Variants in PCDHGA4 observed in about 807,000 individuals in gnomAD.
PCDHGA4 encodes protocadherin gamma-A4.
Under a neutral mutation model 54.6 loss-of-function variants are expected in PCDHGA4, and 38 were observed. That is an observed-to-expected ratio of 0.70 (90% CI 0.54 to 0.91). The LOEUF (loss-of-function observed/expected upper bound fraction) is 0.91. Ranked by LOEUF, PCDHGA4 falls within the 40% of genes least tolerant of loss-of-function variation. PCDHGA4 has a pLI of 0.00. For missense variants in PCDHGA4, 1,298 were observed against 1,220.9 expected, an observed-to-expected ratio of 1.06 and a Z score of -0.94; for synonymous variants, 511 against 512.9, an observed-to-expected ratio of 1.00 and a Z score of 0.05.
chr5:141,419,454 T>A (rs1191326733), intron 1 of PCDHGA4: 1 of 1,612,786 alleles, frequency 6.2e-7, no homozygotes, highest in Non-Finnish European at 8.5e-7. Flanking sequence ...GAGCTCACGC[T>A]GCAGGCCCGC....
chr5:141,387,740 C>T lies in PCDHGA4; in HGVS notation c.2514+30119C>T, dbSNP rs952205441. The T allele has an allele frequency of 3.8e-6, 5 of 1,328,736 alleles. No individual in the cohort carries two copies. In the African/African-American group the frequency reaches 5.9e-5, roughly 16 times the overall value. The allele number at this position is 1,328,736 out of a possible 1,614,324, so 82.3% of individuals were successfully genotyped here. ...GACTCCCCAGCGCCAGCCTTTACAC[C>T]GCTTCCTCCTCGGAAAAAGAAGAAT... On this transcript the variant is annotated intron_variant, in intron 1 of 3. Coordinates refer to ENST00000571252, the MANE Select transcript of PCDHGA4 (RefSeq NM_018917.4).
rs769074023 is a variant in PCDHGA4, at chr5:141,491,738, G to A, written c.2515-3069G>A. ...GCGCCGCCCCGGGCGACCCCTGGGG[G>A]CGGCACTGGAGAAGCCGCCCGTCCT... On this transcript the variant is annotated intron_variant, in intron 1 of 3. Transcript: ENST00000571252. The surrounding 1 kb of genome is among the most constrained non-coding windows in gnomAD (Gnocchi z 6.9). 6.2e-7 allele frequency: 1 copy of A among 1,600,346 alleles called. No homozygotes were observed. The highest frequency in any genetic ancestry group is 8.5e-7 in the Non-Finnish European group (1 of 1,174,196).
chr5:141,427,222 A>G (rs536161247), intron 1 of PCDHGA4: 1 of 456,774 alleles, frequency 2.2e-6, no homozygotes, highest in South Asian at 1.5e-5. Flanking sequence ...CGTAGCAGTT[A>G]TACCATGAGA....
In PCDHGA4 at chr5:141,510,980, G is replaced by A; in HGVS notation, c.2696G>A (p.Gly899Asp). The change falls in exon 4 of 4, where the codon GGT becomes GAT. Residue 899 changes from glycine (G) to aspartate (D), a missense_variant. Transcript: ENST00000571252. ...AADGSSTLGGGAGTMGLSARY... is the reference protein window; with the variant it reads ...AADGSSTLGGDAGTMGLSARY... ...GATGGGAGCTCCACCCTGGGAGGGG[G>A]TGCCGGCACCATGGGATTGAGCGCC... 1 of 1,614,170 alleles carries A rather than the reference G, an allele frequency of 6.2e-7. No homozygotes were observed.
At chr5:141,368,149 A>G (rs1022944602) in intron 1 of PCDHGA4, among the ~76,000 whole-genome samples, 6 of 152,184 alleles carry the variant, frequency 3.9e-5, no homozygotes, top group African/African-American at 1.4e-4. Context: ...TTGTACTTTT[A>G]AAACCTTGAG....
chr5:141,370,226 A>T, intron 1 of PCDHGA4: 1 of 580,190 alleles, frequency 1.7e-6, no homozygotes, highest in East Asian at 2.9e-5. Flanking sequence ...CGCTGCAGCC[A>T]GCTCGGAAGA....
At chr5:141,364,986 A>C (rs1223018710) in intron 1 of PCDHGA4, 1 of 1,613,768 alleles carries the variant, frequency 6.2e-7, no homozygotes. Context: ...GATGGCGGAG[A>C]CCCGGTACTC....
rs771408685 is a variant in PCDHGA4, at chr5:141,486,166, G to T, written c.2515-8641G>T. ...GCGATGGGGGTTCTCCAGCCATGGA[G>T]CAACATTGCAGCCTTCGAGTGGATC... is the stretch of plus-strand genomic sequence containing the variant. On this transcript the variant is annotated intron_variant, in intron 1 of 3. Transcript: ENST00000571252. The surrounding 1 kb of genome is among the most constrained non-coding windows in gnomAD (Gnocchi z 5.0). 1.9e-6 allele frequency: 3 copies of T among 1,614,106 alleles called. No homozygotes were observed. Among genetic ancestry groups the T allele is most frequent in the Non-Finnish European group, 2.5e-6 (3 of 1,180,048 alleles).
Position 141,419,652 on chromosome 5 carries a change from C to T in PCDHGA4, c.2514+62031C>T, listed in dbSNP as rs563445438. 15 of 1,612,592 alleles carry T rather than the reference C, an allele frequency of 9.3e-6. 1 individual carries two copies. In the Admixed American group the frequency reaches 1.3e-4, roughly 14 times the overall value. On this transcript the variant is annotated intron_variant, in intron 1 of 3. Transcript: ENST00000571252. ...AAGGTGGTGGCCGTGGACGCGGACT[C>T]GGGGCACAATGCCTGGCTGTCCTAC... is the stretch of plus-strand genomic sequence containing the variant.
chr5:141,510,083 G>A (rs2099879432), intron 3 of PCDHGA4, among the ~76,000 whole-genome samples: 1 of 152,104 alleles, frequency 6.6e-6, no homozygotes, highest in Non-Finnish European at 1.5e-5. Flanking sequence ...CAGAGTGCCT[G>A]GCACACAGTA....
In PCDHGA4 at chr5:141,490,935, G is replaced by A. The variant is rs1371144225; in HGVS notation, c.2515-3872G>A. On this transcript the variant is annotated intron_variant, in intron 1 of 3. Transcript: ENST00000571252. The surrounding 1 kb of genome is among the most constrained non-coding windows in gnomAD (Gnocchi z 5.4). ...AGAATGATAATGCCCCAGCTGTGCTGCACCCACGGCCAGACTGGGAACACT... is the reference window on the plus strand; with the variant it reads ...AGAATGATAATGCCCCAGCTGTGCTACACCCACGGCCAGACTGGGAACACT... 1.9e-6 allele frequency: 3 copies of A among 1,613,638 alleles called. No homozygotes were observed. The highest frequency in any genetic ancestry group is 2.2e-5 in the South Asian group (2 of 91,032).
chr5:141,433,837 C>CAAA lies in PCDHGA4; in HGVS notation c.2515-60954_2515-60952dup, dbSNP rs56191208. The stretch of plus-strand genomic sequence containing the variant: ...GGGCAACAAGAGTGAAACTCTATCT[C>CAAA]AAAAAAAAAAAAAAAAAACTTTATC... On this transcript the variant is annotated intron_variant, in intron 1 of 3. Transcript: ENST00000571252. 4.3e-3 allele frequency among the ~76,000 whole-genome samples: 475 copies of CAAA among 111,672 alleles called. 6 individuals carry two copies. The highest frequency in any genetic ancestry group is 0.013 in the African/African-American group (431 of 32,292). The allele number at this position is 111,672 out of a possible 152,430, so 73.3% of individuals were successfully genotyped here.
rs909444391 is a variant in PCDHGA4 at position 141,450,834 on chromosome 5, T to A, written c.2515-43973T>A. On this transcript the variant is annotated intron_variant, in intron 1 of 3. Transcript: ENST00000571252. ...TATTTAATATTATTATTATTATTTT[T>A]TTTTTTTTGAGATGGGGTCTTGCTC... is the stretch of plus-strand genomic sequence containing the variant. 1.2e-3 allele frequency among the ~76,000 whole-genome samples: 172 copies of A among 148,764 alleles called. 3 individuals are homozygous for A. The highest frequency in any genetic ancestry group is 4.1e-3 in the African/African-American group (166 of 40,236).
intron 1 of PCDHGA4, among the ~76,000 whole-genome samples, chr5:141,488,261 G>T (rs993627373): frequency 6.6e-6 from 1 of 152,148 alleles, no homozygotes; most frequent in Non-Finnish European, 1.5e-5. Flanking sequence ...GGTTGGGGCG[G>T]GTTGGTCATC....
intron 1 of PCDHGA4, chr5:141,374,487 A>C: frequency 6.2e-7 from 1 of 1,611,648 alleles, no homozygotes; most frequent in Non-Finnish European, 8.5e-7. Flanking sequence ...CGATTCTTAA[A>C]GGAAGAATTG....
In PCDHGA4 at chr5:141,465,057, A is replaced by T. The variant is rs1253395484; in HGVS notation, c.2515-29750A>T. 3.3e-5 allele frequency among the ~76,000 whole-genome samples: 5 copies of T among 151,646 alleles called. No homozygotes were observed. The East Asian group carries it at 9.6e-4, about 29-fold the overall frequency. ...ACAAATGACCCTATATATTTTTTTG[A>T]ATTGTCTGTTCATGTCTTATTTTCA... On this transcript the variant is annotated intron_variant, in intron 1 of 3. Coordinates refer to ENST00000571252, the MANE Select transcript of PCDHGA4 (RefSeq NM_018917.4).
At chr5:141,410,818 T>C (rs567397835) in intron 1 of PCDHGA4, 1 of 556,016 alleles carries the variant, frequency 1.8e-6, no homozygotes, top group African/African-American at 2.1e-5. Context: ...TGTAAAATAA[T>C]GTCACCAGAC....
intron 1 of PCDHGA4, chr5:141,366,536 C>T (rs779007704): frequency 1.9e-6 from 3 of 1,614,132 alleles, no homozygotes; most frequent in African/African-American, 1.3e-5. Context: ...GGCGGGTGTG[C>T]CCGCCTCGCA....
chr5:141,486,940 A>T lies in PCDHGA4; in HGVS notation c.2515-7867A>T. ...CTCCATCAGTTGGTGCTGGCCACCTAATCACAAAGGTGACTGCTGTGGACT... is the reference window on the plus strand; with the variant it reads ...CTCCATCAGTTGGTGCTGGCCACCTTATCACAAAGGTGACTGCTGTGGACT... On this transcript the variant is annotated intron_variant, in intron 1 of 3. Coordinates refer to ENST00000571252, the MANE Select transcript of PCDHGA4 (RefSeq NM_018917.4). This position sits in a 1 kb window ranked among gnomAD's most constrained non-coding sequence, Gnocchi z 5.0. 6.2e-7 allele frequency: 1 copy of T among 1,614,188 alleles called. No homozygotes were observed. Among genetic ancestry groups the T allele is most frequent in the Non-Finnish European group, 8.5e-7 (1 of 1,180,032 alleles).
Sources: gnomAD v4.1 joint callset for allele counts (sites outside exome capture counted in the v4.1 genomes callset) on GRCh38, gnomAD v4.1.1 for gene constraint, Gnocchi (gnomAD v3.1) non-coding constraint, MANE v1.5 for transcripts, NCBI Gene and HGNC (gene_info 2026-07-23, HGNC 2026-07-21) for gene names.